The following CNTN6 variants were observed in gnomAD, a reference collection of about 807,000 sequenced individuals.
The protein encoded by CNTN6 is contactin-6.
In CNTN6, 137 loss-of-function variants were observed where a neutral mutation model predicts 122.8. That is an observed-to-expected ratio of 1.12 (90% confidence interval 0.97 to 1.29). CNTN6 has a LOEUF of 1.29. Ranked by LOEUF, CNTN6 falls within the 50% of genes most tolerant of loss-of-function variation. The probability of loss-of-function intolerance (pLI) is 0.00; values close to 1 mark genes in which losing one functional copy is unlikely to be tolerated. For missense variants in CNTN6, 1,634 were observed against 1,223.4 expected, an observed-to-expected ratio of 1.34 and a Z score of -5.01; for synonymous variants, 570 against 426.0, an observed-to-expected ratio of 1.34 and a Z score of -4.16.
At chr3:1,117,779 C>A (rs1326381893) in intron 1 of CNTN6, among the ~76,000 whole-genome samples, 3 of 152,248 alleles carry the variant, frequency 2.0e-5, no homozygotes, top group Middle Eastern at 6.8e-3. Flanking sequence ...AGAGGTATTC[C>A]TGAACTGATG....
intron 4 of CNTN6, among the ~76,000 whole-genome samples, chr3:1,242,722 C>T (rs1375625002): frequency 1.3e-5 from 2 of 148,966 alleles, no homozygotes; most frequent in South Asian, 2.1e-4. Flanking sequence ...CAATGAGACA[C>T]AGCTGTAATC....
At chr3:1,138,302 G>T (rs1307724253) in intron 1 of CNTN6, among the ~76,000 whole-genome samples, 3 of 151,628 alleles carry the variant, frequency 2.0e-5, no homozygotes, top group Non-Finnish European at 4.4e-5. Flanking sequence ...AAAAAGAAAA[G>T]CAAACATTGA....
At chr3:1,170,071 C>A (rs1158392069) in intron 2 of CNTN6, among the ~76,000 whole-genome samples, 1 of 151,624 alleles carries the variant, frequency 6.6e-6, no homozygotes. Flanking sequence ...CCTGTCTCTA[C>A]CAAAAATACA....
chr3:1,362,015 C>T (rs978033301), intron 12 of CNTN6, among the ~76,000 whole-genome samples: 2 of 152,010 alleles, frequency 1.3e-5, no homozygotes, highest in African/African-American at 2.4e-5. Context: ...TCAGAATAAA[C>T]CAAATAGAAT....
At chr3:1,226,329 T>C (rs1405388435) in intron 3 of CNTN6, among the ~76,000 whole-genome samples, 1 of 152,146 alleles carries the variant, frequency 6.6e-6, no homozygotes, top group Non-Finnish European at 1.5e-5. Flanking sequence ...CTATATTCCA[T>C]AGGAAAAGAT....
chr3:1,101,817 A>T (rs995460871), intron 1 of CNTN6, among the ~76,000 whole-genome samples: 1 of 152,186 alleles, frequency 6.6e-6, no homozygotes, highest in Non-Finnish European at 1.5e-5. Context: ...TTATTAGTTT[A>T]TATATTCTTT....
chr3:1,335,343 G>A (rs1391164009), intron 11 of CNTN6, among the ~76,000 whole-genome samples: 1 of 152,140 alleles, frequency 6.6e-6, no homozygotes, highest in Non-Finnish European at 1.5e-5. Context: ...AACAACCACG[G>A]AAAATCAGGA....
At chr3:1,219,173 C>T (rs758532731) in intron 2 of CNTN6, among the ~76,000 whole-genome samples, 2 of 152,136 alleles carry the variant, frequency 1.3e-5, no homozygotes, top group Non-Finnish European at 2.9e-5. Flanking sequence ...AGCCACAAAA[C>T]ACTAATTATA....
At chr3:1,185,552 C>G (rs969685353) in intron 2 of CNTN6, among the ~76,000 whole-genome samples, 2 of 152,134 alleles carry the variant, frequency 1.3e-5, no homozygotes, top group Non-Finnish European at 2.9e-5. Context: ...ATGTGCTAAT[C>G]TATGTGACCT....
chr3:1,375,071 G>C (rs772982321), intron 16 of CNTN6, among the ~76,000 whole-genome samples: 6 of 152,002 alleles, frequency 3.9e-5, no homozygotes, highest in African/African-American at 7.2e-5. Flanking sequence ...CTCCATAAAA[G>C]AGGATCTTAA....
intron 2 of CNTN6, among the ~76,000 whole-genome samples, chr3:1,183,871 T>A (rs1267408677): frequency 1.3e-5 from 2 of 152,298 alleles, no homozygotes; most frequent in East Asian, 3.9e-4. Context: ...ATGACTGGGT[T>A]GTCATGCGAT....
intron 1 of CNTN6, among the ~76,000 whole-genome samples, chr3:1,142,962 G>GTATA (rs2092642859): frequency 1.0e-5 from 1 of 99,566 alleles, no homozygotes; most frequent in African/African-American, 4.6e-5. Context: ...ATTTGTGTGT[G>GTATA]TGTGTGTATA....
At chr3:1,248,349 T>C (rs1274500061) in intron 4 of CNTN6, among the ~76,000 whole-genome samples, 3 of 152,244 alleles carry the variant, frequency 2.0e-5, no homozygotes, top group Non-Finnish European at 4.4e-5. Context: ...TCACATTCTC[T>C]GTGATGTATG....
chr3:1,357,366 A>T (rs1400370397), intron 12 of CNTN6, among the ~76,000 whole-genome samples: 4 of 151,864 alleles, frequency 2.6e-5, no homozygotes, highest in Non-Finnish European at 5.9e-5. Flanking sequence ...TTGACGACTT[A>T]GTTTTTATGG....
At chr3:1,211,115 A>T (rs111718954) in intron 2 of CNTN6, among the ~76,000 whole-genome samples, 13 of 152,322 alleles carry the variant, frequency 8.5e-5, no homozygotes, top group African/African-American at 3.1e-4. Flanking sequence ...ACATTTGTGC[A>T]AATTAGACTT....
chr3:1,280,459 A>ATTTGTTTTT (rs1693175493), intron 5 of CNTN6, among the ~76,000 whole-genome samples: 1 of 66,652 alleles, frequency 1.5e-5, no homozygotes, highest in African/African-American at 6.1e-5. Context: ...TGTAATACCA[A>ATTTGTTTTT]TTTTTTTTTT....
At chr3:1,394,987 G>A (rs1251874547) in intron 20 of CNTN6, among the ~76,000 whole-genome samples, 3 of 152,142 alleles carry the variant, frequency 2.0e-5, no homozygotes, top group Non-Finnish European at 4.4e-5. Flanking sequence ...GTTCCTTTAA[G>A]TATTCAGCTT....
chr3:1,375,245 T>C (rs1709692263), intron 16 of CNTN6, among the ~76,000 whole-genome samples: 1 of 152,060 alleles, frequency 6.6e-6, no homozygotes, highest in East Asian at 1.9e-4. Context: ...TTTGGTAGCT[T>C]TGGACAGGGT....
chr3:1,108,447 T>A (rs971144160), intron 1 of CNTN6, among the ~76,000 whole-genome samples: 1 of 152,080 alleles, frequency 6.6e-6, no homozygotes, highest in Non-Finnish European at 1.5e-5. Context: ...ACATTTTGAC[T>A]GTGATGTGTC....
Sources: allele counts gnomAD v4.1 joint callset (sites outside exome capture counted in the v4.1 genomes callset), GRCh38; gene constraint gnomAD v4.1.1; transcripts MANE v1.5; gene names NCBI Gene and HGNC (gene_info 2026-07-23, HGNC 2026-07-21).